GNB1: variants seen among roughly 807,000 people sequenced by gnomAD.
The protein encoded by GNB1 is G protein subunit beta 1.
Under a neutral mutation model 42.9 loss-of-function variants are expected in GNB1, and 2 were observed. The ratio of observed to expected loss-of-function variants is 0.05; its 90% CI spans 0.02 to 0.15. GNB1 has a LOEUF of 0.15. GNB1 is among the 10% of genes least tolerant of loss of function. The pLI, the probability that GNB1 is intolerant of heterozygous loss-of-function variation, is 1.00. For missense variants in GNB1, 193 were observed against 462.2 expected, an observed-to-expected ratio of 0.42 and a Z score of 5.34; for synonymous variants, 183 against 174.7, an observed-to-expected ratio of 1.05 and a Z score of -0.38.
At chr1:1,869,762 G>C (rs1029042189) in intron 1 of GNB1, among the ~76,000 whole-genome samples, 1 of 152,148 alleles carries the variant, frequency 6.6e-6, no homozygotes, top group African/African-American at 2.4e-5. Flanking sequence ...AAAAACTTCA[G>C]AGCTATTTAT....
At chr1:1,871,002 C>T (rs1649217186) in intron 1 of GNB1, among the ~76,000 whole-genome samples, 1 of 152,154 alleles carries the variant, frequency 6.6e-6, no homozygotes, top group Non-Finnish European at 1.5e-5. Flanking sequence ...CTACTGAGCT[C>T]CTTCTCTGAG....
intron 1 of GNB1, among the ~76,000 whole-genome samples, chr1:1,885,030 C>G (rs1650070394): frequency 6.6e-6 from 1 of 151,968 alleles, no homozygotes. Context: ...AAAGTCCTCT[C>G]TTGATATAAT....
Position 1,786,280 on chromosome 1 carries a change from T to G in GNB1, c.*783A>C, listed in dbSNP as rs1646405278. 7.8e-6 allele frequency: 3 copies of G among 385,826 alleles called. No individual in the cohort carries two copies. The highest frequency in any genetic ancestry group is 1.4e-5 in the Non-Finnish European group (3 of 218,258). 23.9% of individuals were successfully genotyped at this position (385,826 alleles called of 1,614,324 possible). A position where few individuals can be genotyped will look rare whatever the true frequency, so the allele number is the denominator to read the frequency against. On this transcript the variant is annotated 3_prime_UTR_variant, in exon 12 of 12. Transcript: ENST00000378609. ...CCCAAAGTGAGATTAAAAACTCAAC[T>G]GAGAAGATAGACAGGATGGGTCAGG...
rs141874993 is a variant in GNB1 at position 1,867,128 on chromosome 1, A to G, written c.-96+23692T>C. Among the ~76,000 whole-genome samples the G allele has an allele frequency of 8.5e-3, 1,282 of 151,360 alleles. 22 individuals carry two copies. The highest frequency in any genetic ancestry group is 0.03 in the African/African-American group (1,230 of 41,210). ...TTAAAAATACAAAAATTAGCCAAGC[A>G]TGGTGGTAGGCGCCTATAATCCCAG... On this transcript the variant is annotated intron_variant, in intron 1 of 11. Coordinates refer to ENST00000378609, the MANE Select transcript of GNB1 (RefSeq NM_002074.5).
chr1:1,851,183 T>C (rs994869599), intron 1 of GNB1, among the ~76,000 whole-genome samples: 1 of 152,034 alleles, frequency 6.6e-6, no homozygotes, highest in Non-Finnish European at 1.5e-5. Context: ...GGCCGAGACG[T>C]GTGGATCACC....
At chr1:1,889,415 G>A (rs1650342326) in intron 1 of GNB1, among the ~76,000 whole-genome samples, 1 of 152,142 alleles carries the variant, frequency 6.6e-6, no homozygotes, top group Non-Finnish European at 1.5e-5. Context: ...GTCCAGTACT[G>A]TACACCCTAA....
chr1:1,799,009 C>G (rs1423810395), intron 7 of GNB1, among the ~76,000 whole-genome samples: 1 of 152,054 alleles, frequency 6.6e-6, no homozygotes, highest in African/African-American at 2.4e-5. Context: ...AGGCTCCGCC[C>G]CCCGGGGTTC....
chr1:1,835,086 A>C (rs558044723), intron 2 of GNB1, among the ~76,000 whole-genome samples: 1 of 152,208 alleles, frequency 6.6e-6, no homozygotes, highest in Non-Finnish European at 1.5e-5. Flanking sequence ...TTACTGCTGC[A>C]AACTACAATG....
In GNB1 at chr1:1,787,647, C is replaced by T. The variant is rs1158626532; in HGVS notation, c.917-210G>A. 4.6e-5 allele frequency among the ~76,000 whole-genome samples: 7 copies of T among 152,168 alleles called. No homozygotes were observed. Among genetic ancestry groups the T allele is most frequent in the Non-Finnish European group, 8.8e-5 (6 of 68,020 alleles). On this transcript the variant is annotated intron_variant, in intron 10 of 11. Transcript: ENST00000378609. The surrounding 1 kb of genome is among the most constrained non-coding windows in gnomAD (Gnocchi z 4.4). ...GTTAAAATTCAAAGACACGCACACA[C>T]ACGCAATCGATAAATCCAGAGCCCC... is the stretch of plus-strand genomic sequence containing the variant.
chr1:1,834,307 G>C (rs1189706064), intron 2 of GNB1, among the ~76,000 whole-genome samples: 1 of 152,136 alleles, frequency 6.6e-6, no homozygotes, highest in Non-Finnish European at 1.5e-5. Context: ...CCCAGAAGTG[G>C]CTACTGACTC....
chr1:1,807,794 G>A (rs998962292), intron 5 of GNB1, among the ~76,000 whole-genome samples: 44 of 150,774 alleles, frequency 2.9e-4, no homozygotes, highest in Admixed American at 7.3e-4. Flanking sequence ...TGCAAGCTCC[G>A]CCTCCGGGGT....
At chr1:1,795,095 G>A (rs560078948) in intron 7 of GNB1, among the ~76,000 whole-genome samples, 2 of 152,290 alleles carry the variant, frequency 1.3e-5, no homozygotes, top group African/African-American at 4.8e-5. Flanking sequence ...AATACTTCCT[G>A]GAGGCCACAC....
At chr1:1,802,881 T>A (rs1646644811) in intron 7 of GNB1, among the ~76,000 whole-genome samples, 1 of 152,134 alleles carries the variant, frequency 6.6e-6, no homozygotes, top group African/African-American at 2.4e-5. Flanking sequence ...ACCAGTGGCC[T>A]ACAGATCTAC....
At position 1,866,557 on chromosome 1, in the gene GNB1, T is replaced by C. The variant is rs148562486; in HGVS notation, c.-96+24263A>G. 1.4e-3 allele frequency among the ~76,000 whole-genome samples: 217 copies of C among 152,076 alleles called. 1 individual carries two copies. The highest frequency in any genetic ancestry group is 3.4e-3 in the Middle Eastern group (1 of 294). On this transcript the variant is annotated intron_variant, in intron 1 of 11. Coordinates refer to ENST00000378609, the MANE Select transcript of GNB1 (RefSeq NM_002074.5). The stretch of plus-strand genomic sequence containing the variant: ...ATTCATCCAGGGGTGTCCAATCTTT[T>C]GGCTTCCCTGGGCCACATTGGAGAA...
chr1:1,871,939 C>A (rs1649271742), intron 1 of GNB1, among the ~76,000 whole-genome samples: 1 of 152,178 alleles, frequency 6.6e-6, no homozygotes, highest in African/African-American at 2.4e-5. Flanking sequence ...CTTAAAATGA[C>A]CTCTGTCTCA....
At chr1:1,872,616 C>A (rs1367677473) in intron 1 of GNB1, among the ~76,000 whole-genome samples, 1 of 152,174 alleles carries the variant, frequency 6.6e-6, no homozygotes, top group African/African-American at 2.4e-5. Context: ...CAATCACTGC[C>A]CTCTCCACCT....
chr1:1,882,721 G>A (rs1310475804), intron 1 of GNB1, among the ~76,000 whole-genome samples: 1 of 152,156 alleles, frequency 6.6e-6, no homozygotes, highest in African/African-American at 2.4e-5. Context: ...AGGAGTTTGA[G>A]ACCAGACTGG....
chr1:1,843,139 T>A (rs1647406610), intron 1 of GNB1, among the ~76,000 whole-genome samples: 1 of 152,172 alleles, frequency 6.6e-6, no homozygotes, highest in Non-Finnish European at 1.5e-5. Flanking sequence ...ATAAATCTTT[T>A]CAAGTACTTT....
In GNB1 at chr1:1,787,470, G is replaced by C. The variant is rs1225591150; in HGVS notation, c.917-33C>G. The C allele has an allele frequency of 1.5e-6, 2 of 1,299,102 alleles. No individual in the cohort carries two copies. The highest frequency in any genetic ancestry group is 2.4e-5 in the South Asian group (2 of 84,062). The allele number at this position is 1,299,102 out of a possible 1,614,324, so 80.5% of individuals were successfully genotyped here. ...CAAACAACAGCAGAATCACACCAAAGCCCAGAGGCATCGATCTCACCTGTG... is the reference window on the plus strand; with the variant it reads ...CAAACAACAGCAGAATCACACCAAACCCCAGAGGCATCGATCTCACCTGTG... On this transcript the variant is annotated intron_variant, in intron 10 of 11. Transcript: ENST00000378609. The surrounding 1 kb of genome is among the most constrained non-coding windows in gnomAD (Gnocchi z 4.4).
Sources: gnomAD v4.1 joint callset for allele counts (sites outside exome capture counted in the v4.1 genomes callset) on GRCh38, gnomAD v4.1.1 for gene constraint, Gnocchi (gnomAD v3.1) non-coding constraint, MANE v1.5 for transcripts, NCBI Gene and HGNC (gene_info 2026-07-23, HGNC 2026-07-21) for gene names.